The following COL23A1 variants were observed in gnomAD, a reference collection of about 807,000 sequenced individuals.
The protein encoded by COL23A1 is collagen alpha-1(XXIII) chain.
A neutral mutation model predicts 99.3 loss-of-function variants in COL23A1; 97 were observed. That is an observed-to-expected ratio of 0.98 (90% CI 0.83 to 1.16). The LOEUF is 1.16. Among genes scored for constraint, COL23A1 ranks in the 50% most tolerant of loss-of-function variants. COL23A1 has a pLI of 0.00. For synonymous variants in COL23A1, 320 were observed against 308.2 expected, an observed-to-expected ratio of 1.04 and a Z score of -0.40; for missense variants, 762 against 757.4, an observed-to-expected ratio of 1.01 and a Z score of -0.07.
intron 1 of COL23A1, among the ~76,000 whole-genome samples, chr5:178,576,091 C>T (rs1763339235): frequency 6.6e-6 from 1 of 152,148 alleles, no homozygotes; most frequent in South Asian, 2.1e-4. Context: ...TTTCTCCTTG[C>T]GCAGCAAGTC....
intron 2 of COL23A1, among the ~76,000 whole-genome samples, chr5:178,323,392 G>A (rs1261761630): frequency 6.6e-6 from 1 of 152,126 alleles, no homozygotes; most frequent in African/African-American, 2.4e-5. Context: ...GGGGACCCTG[G>A]GGACTGCATG....
chr5:178,526,469 AAC>A (rs1242718890), intron 2 of COL23A1, among the ~76,000 whole-genome samples: 1 of 152,200 alleles, frequency 6.6e-6, no homozygotes, highest in East Asian at 1.9e-4. Context: ...GAATGAGGCC[AAC>A]ACACAGGACT....
At position 178,280,916 on chromosome 5, in the gene COL23A1, G is replaced by A. The variant is rs2127576355; in HGVS notation, c.441+7408C>T. On this transcript the variant is annotated intron_variant, in intron 5 of 28. Coordinates refer to ENST00000390654, the MANE Select transcript of COL23A1 (RefSeq NM_173465.4). This position sits in a 1 kb window ranked among gnomAD's most constrained non-coding sequence, Gnocchi z 4.9. ...GCAGCTCGGGCCCCACTGACCTGGGGTGGCCGCCTCCTGTGAATGGGCTGC... is the reference window on the plus strand; with the variant it reads ...GCAGCTCGGGCCCCACTGACCTGGGATGGCCGCCTCCTGTGAATGGGCTGC... 6.6e-6 allele frequency among the ~76,000 whole-genome samples: 1 copy of A among 152,334 alleles called. No individual in the cohort carries two copies. Among genetic ancestry groups the A allele is most frequent in the East Asian group, 1.9e-4 (1 of 5,176 alleles).
intron 2 of COL23A1, among the ~76,000 whole-genome samples, chr5:178,456,003 T>C (rs1181214317): frequency 6.6e-6 from 1 of 152,230 alleles, no homozygotes; most frequent in Non-Finnish European, 1.5e-5. Flanking sequence ...GTGGATTACA[T>C]AACCACATGA....
chr5:178,452,337 T>C (rs1213931921), intron 2 of COL23A1, among the ~76,000 whole-genome samples: 1 of 152,182 alleles, frequency 6.6e-6, no homozygotes, highest in South Asian at 2.1e-4. Flanking sequence ...TTTCCTACTT[T>C]ACACGGACAT....
intron 2 of COL23A1, among the ~76,000 whole-genome samples, chr5:178,357,481 G>C (rs1561894124): frequency 6.6e-6 from 1 of 152,200 alleles, no homozygotes; most frequent in African/African-American, 2.4e-5. Context: ...GTGCGCCTTT[G>C]AGGTTTTAAC....
intron 2 of COL23A1, among the ~76,000 whole-genome samples, chr5:178,536,597 A>G (rs768632322): frequency 6.6e-6 from 1 of 152,186 alleles, no homozygotes. Flanking sequence ...GAGCCTCCCA[A>G]GCCTGATGGC....
intron 4 of COL23A1, among the ~76,000 whole-genome samples, chr5:178,288,752 G>A (rs1469272911): frequency 2.0e-5 from 3 of 151,804 alleles, no homozygotes; most frequent in African/African-American, 7.3e-5. Flanking sequence ...GTTGCCACTG[G>A]GATGGGGTGA....
intron 2 of COL23A1, among the ~76,000 whole-genome samples, chr5:178,385,325 C>T (rs1157060222): frequency 6.6e-6 from 1 of 152,200 alleles, no homozygotes; most frequent in Non-Finnish European, 1.5e-5. Context: ...GGGGAATTCA[C>T]AGAGGGAAAC....
intron 2 of COL23A1, among the ~76,000 whole-genome samples, chr5:178,510,316 C>T (rs551916579): frequency 9.9e-5 from 15 of 152,216 alleles, no homozygotes; most frequent in Non-Finnish European, 1.8e-4. Flanking sequence ...CCGAGGCGGG[C>T]GGATCACTTG....
intron 2 of COL23A1, among the ~76,000 whole-genome samples, chr5:178,455,360 G>A (rs1202654692): frequency 2.0e-5 from 3 of 152,170 alleles, no homozygotes; most frequent in African/African-American, 7.2e-5. Flanking sequence ...ACCAGCATGG[G>A]AGGGCTGCCC....
chr5:178,359,583 A>G (rs998650666), intron 2 of COL23A1, among the ~76,000 whole-genome samples: 1 of 152,220 alleles, frequency 6.6e-6, no homozygotes, highest in Non-Finnish European at 1.5e-5. Flanking sequence ...CAGGTTGCTC[A>G]TAAGTGTTCA....
At chr5:178,461,883 CAATG>C (rs1188537517) in intron 2 of COL23A1, among the ~76,000 whole-genome samples, 3 of 152,202 alleles carry the variant, frequency 2.0e-5, no homozygotes, top group Non-Finnish European at 4.4e-5. Flanking sequence ...AGAACACAGA[CAATG>C]AATTCTACAC....
At chr5:178,358,362 ATG>A (rs1449936038) in intron 2 of COL23A1, among the ~76,000 whole-genome samples, 4 of 141,310 alleles carry the variant, frequency 2.8e-5, no homozygotes, top group African/African-American at 1.1e-4. Flanking sequence ...GTGTATGTGT[ATG>A]TGTACGTGTG....
At position 178,270,346 on chromosome 5, in the gene COL23A1, A is replaced by G. The variant is rs201425232; in HGVS notation, c.459T>C (p.Asp153=). 101 of 1,613,824 alleles carry G rather than the reference A, an allele frequency of 6.3e-5. 1 individual carries two copies. Among genetic ancestry groups the G allele is most frequent in the Admixed American group, 3.3e-5 (2 of 59,986 alleles). ...RDGYPGPLGL[D]GKPGLPGPKG... ...CCCTGTCATCACTTACGGGCTTGCC[A>G]TCCAAACCCAGGGGTCCCTGGAAAA... Residue 153 remains aspartate, a synonymous_variant, in exon 6 of 29, where the codon GAT becomes GAC. Coordinates refer to ENST00000390654, the MANE Select transcript of COL23A1 (RefSeq NM_173465.4).
At chr5:178,319,287 A>T (rs1245295587) in intron 2 of COL23A1, among the ~76,000 whole-genome samples, 2 of 152,174 alleles carry the variant, frequency 1.3e-5, no homozygotes, top group Non-Finnish European at 2.9e-5. Flanking sequence ...CACCCCAAAG[A>T]TCACAAATTC....
rs538806696 is a variant in COL23A1 at position 178,379,726 on chromosome 5, A to G, written c.362-72807T>C. The stretch of plus-strand genomic sequence containing the variant: ...GAGAAACCTTGTCTCTACTAAAAAT[A>G]CAAAATGAGCTGGGCCTAGTGGTGC... On this transcript the variant is annotated intron_variant, in intron 2 of 28. Coordinates refer to ENST00000390654, the MANE Select transcript of COL23A1 (RefSeq NM_173465.4). Among the ~76,000 whole-genome samples the G allele has an allele frequency of 2.8e-4, 42 of 152,224 alleles. No homozygotes were observed. The Middle Eastern group carries it at 0.01, about 37-fold the overall frequency.
rs13186733 is a variant in COL23A1, at chr5:178,333,351, A to G, written c.362-26432T>C. 8.8e-3 allele frequency among the ~76,000 whole-genome samples: 1,341 copies of G among 152,316 alleles called. 9 individuals are homozygous for G. Among genetic ancestry groups the G allele is most frequent in the Non-Finnish European group, 0.013 (885 of 68,032 alleles). Reference sequence around the variant, plus strand: ...TTGGCCTGTGGCTGCCTTTGTGGCCATGGCCTGCAGGGTTAAGTTCCAGCT... The same window carrying G: ...TTGGCCTGTGGCTGCCTTTGTGGCCGTGGCCTGCAGGGTTAAGTTCCAGCT... On this transcript the variant is annotated intron_variant, in intron 2 of 28. Coordinates refer to ENST00000390654, the MANE Select transcript of COL23A1 (RefSeq NM_173465.4).
chr5:178,404,354 A>G (rs1764636530), intron 2 of COL23A1, among the ~76,000 whole-genome samples: 1 of 152,168 alleles, frequency 6.6e-6, no homozygotes, highest in African/African-American at 2.4e-5. Flanking sequence ...AGAGGCAGGC[A>G]CCAGGTTTTC....
Sources: allele counts gnomAD v4.1 joint callset (sites outside exome capture counted in the v4.1 genomes callset), GRCh38; gene constraint gnomAD v4.1.1; non-coding constraint Gnocchi (gnomAD v3.1); transcripts MANE v1.5; gene names NCBI Gene and HGNC (gene_info 2026-07-23, HGNC 2026-07-21).